Variants in CPQ observed in about 807,000 individuals in gnomAD.
The protein encoded by CPQ is carboxypeptidase Q.
CPQ carries 37 observed loss-of-function variants against 45.7 expected under a neutral mutation model. The observed-to-expected ratio is 0.81, with a 90% CI of 0.62 to 1.07. CPQ has a LOEUF of 1.07. Ranked by LOEUF, CPQ falls within the 50% of genes least tolerant of loss-of-function variation. The pLI is 0.00. For missense variants in CPQ, 537 were observed against 572.9 expected, an observed-to-expected ratio of 0.94 and a Z score of 0.64; for synonymous variants, 186 against 205.8, an observed-to-expected ratio of 0.90 and a Z score of 0.82.
chr8:96,789,218 A>G (rs555380340), intron 2 of CPQ, among the ~76,000 whole-genome samples: 23 of 151,970 alleles, frequency 1.5e-4, no homozygotes, highest in South Asian at 6.2e-4. Context: ...TTTATGCCAT[A>G]GTTTTAAAAA....
intron 1 of CPQ, among the ~76,000 whole-genome samples, chr8:96,745,951 A>G (rs2130782514): frequency 6.6e-6 from 1 of 152,264 alleles, no homozygotes; most frequent in East Asian, 1.9e-4. Context: ...ATTATGGTCT[A>G]TTTCAGTTTC....
At chr8:96,966,720 C>G (rs1813571321) in intron 5 of CPQ, among the ~76,000 whole-genome samples, 1 of 152,164 alleles carries the variant, frequency 6.6e-6, no homozygotes, top group South Asian at 2.1e-4. Flanking sequence ...ATAAAAATAT[C>G]TAGGTAACCT....
intron 4 of CPQ, among the ~76,000 whole-genome samples, chr8:96,957,676 G>A (rs976054039): frequency 4.6e-5 from 7 of 151,982 alleles, no homozygotes; most frequent in Non-Finnish European, 1.0e-4. Context: ...GCACGTGCCT[G>A]TAATCCCAGC....
chr8:96,889,264 A>G (rs1429575826), intron 4 of CPQ, among the ~76,000 whole-genome samples: 1 of 152,252 alleles, frequency 6.6e-6, no homozygotes, highest in Non-Finnish European at 1.5e-5. Flanking sequence ...ACTGAAATTC[A>G]GCCAGAAGAT....
chr8:96,829,592 T>C lies in CPQ; in HGVS notation c.434-5381T>C, dbSNP rs984863647. ...TGTAAATGAATAGGTGTTTCATCTATTTTTGTCTTCTCTTCTTTGTTCTCT... is the reference window on the plus strand; with the variant it reads ...TGTAAATGAATAGGTGTTTCATCTACTTTTGTCTTCTCTTCTTTGTTCTCT... On this transcript the variant is annotated intron_variant, in intron 2 of 7. Transcript: ENST00000220763. Among the ~76,000 whole-genome samples, 75 of 152,236 alleles carry C rather than the reference T, an allele frequency of 4.9e-4. 1 individual carries two copies. Among genetic ancestry groups the C allele is most frequent in the African/African-American group, 1.8e-3 (74 of 41,570 alleles).
At chr8:96,772,887 T>G (rs1483018139) in intron 1 of CPQ, among the ~76,000 whole-genome samples, 2 of 152,166 alleles carry the variant, frequency 1.3e-5, no homozygotes, top group African/African-American at 2.4e-5. Context: ...TTTAGTTAAG[T>G]GCTAACATGG....
intron 1 of CPQ, among the ~76,000 whole-genome samples, chr8:96,754,799 C>G (rs527540675): frequency 6.6e-6 from 1 of 152,158 alleles, no homozygotes; most frequent in Non-Finnish European, 1.5e-5. Flanking sequence ...ATACTTGAAA[C>G]AGTGCATGGC....
chr8:96,741,052 C>T (rs1051800669), intron 1 of CPQ, among the ~76,000 whole-genome samples: 9 of 152,152 alleles, frequency 5.9e-5, no homozygotes, highest in Admixed American at 5.9e-4. Context: ...AGGAATGGTA[C>T]CAGTTCCTCC....
At chr8:97,056,636 G>A (rs532776215) in intron 6 of CPQ, 1 of 152,300 alleles carries the variant, frequency 6.6e-6, no homozygotes, top group South Asian at 2.1e-4. Flanking sequence ...ATGTTTGAGA[G>A]TGAGATACTC....
chr8:96,795,809 A>G (rs1324270010), intron 2 of CPQ, among the ~76,000 whole-genome samples: 1 of 152,110 alleles, frequency 6.6e-6, no homozygotes, highest in African/African-American at 2.4e-5. Flanking sequence ...TTTTTAATAA[A>G]TGACATATAA....
chr8:96,731,721 G>T (rs922327770), intron 1 of CPQ, among the ~76,000 whole-genome samples: 2 of 152,182 alleles, frequency 1.3e-5, no homozygotes, highest in African/African-American at 4.8e-5. Context: ...AGGGCTGGGG[G>T]TGTTGAGGTG....
At chr8:97,009,282 T>C (rs532221881) in intron 5 of CPQ, among the ~76,000 whole-genome samples, 100 of 152,178 alleles carry the variant, frequency 6.6e-4, no homozygotes, top group Non-Finnish European at 1.1e-3. Flanking sequence ...AGACTGACAC[T>C]TTCCTCTCGG....
At chr8:96,903,651 G>A (rs1345943123) in intron 4 of CPQ, among the ~76,000 whole-genome samples, 1 of 152,116 alleles carries the variant, frequency 6.6e-6, no homozygotes, top group African/African-American at 2.4e-5. Flanking sequence ...ATTCCTTTGA[G>A]GTAGAAAATT....
At chr8:97,130,521 C>G (rs1007176236) in intron 7 of CPQ, among the ~76,000 whole-genome samples, 1 of 148,194 alleles carries the variant, frequency 6.7e-6, no homozygotes, top group African/African-American at 2.5e-5. Flanking sequence ...TTTTGTGTGG[C>G]TACTGAGAAT....
At chr8:97,041,923 C>G (rs1311879334) in intron 6 of CPQ, among the ~76,000 whole-genome samples, 1 of 152,192 alleles carries the variant, frequency 6.6e-6, no homozygotes, top group African/African-American at 2.4e-5. Flanking sequence ...CAATGTTCAT[C>G]AAGGATATTA....
At chr8:96,661,437 T>A (rs1815701041) in intron 1 of CPQ, among the ~76,000 whole-genome samples, 1 of 152,146 alleles carries the variant, frequency 6.6e-6, no homozygotes, top group Admixed American at 6.5e-5. Context: ...TGTACTCTAC[T>A]TGTTCATCCC....
intron 1 of CPQ, among the ~76,000 whole-genome samples, chr8:96,668,360 A>G (rs554348323): frequency 6.6e-6 from 1 of 152,332 alleles, no homozygotes; most frequent in Non-Finnish European, 1.5e-5. Flanking sequence ...CTCATCTTCA[A>G]TTTGCTTTAT....
intron 1 of CPQ, among the ~76,000 whole-genome samples, chr8:96,713,089 T>G (rs1288513370): frequency 2.6e-5 from 4 of 152,160 alleles, no homozygotes; most frequent in Admixed American, 1.3e-4. Flanking sequence ...TCCCAACAAG[T>G]TCTTCATCTC....
intron 2 of CPQ, among the ~76,000 whole-genome samples, chr8:96,815,001 C>T (rs573249619): frequency 2.0e-5 from 3 of 152,176 alleles, no homozygotes; most frequent in Non-Finnish European, 2.9e-5. Context: ...GGTTTGGCAA[C>T]CCCACTTTGC....
Sources: allele counts gnomAD v4.1 joint callset (sites outside exome capture counted in the v4.1 genomes callset), GRCh38; gene constraint gnomAD v4.1.1; transcripts MANE v1.5; gene names NCBI Gene and HGNC (gene_info 2026-07-23, HGNC 2026-07-21).